The following DLC1 variants were observed in gnomAD, a reference collection of about 807,000 sequenced individuals.
DLC1 encodes the protein rho GTPase-activating protein 7.
A neutral mutation model predicts 140.3 loss-of-function variants in DLC1; 54 were observed. That is an observed-to-expected ratio of 0.38 (90% CI 0.31 to 0.48). The LOEUF is 0.48. Among genes scored for constraint, DLC1 ranks in the 20% least tolerant of loss-of-function variants. The probability of loss-of-function intolerance (pLI) is 0.96; values close to 1 mark genes in which losing one functional copy is unlikely to be tolerated. For missense variants in DLC1, 2,536 were observed against 1,907.0 expected, an observed-to-expected ratio of 1.33 and a Z score of -6.14; for synonymous variants, 986 against 728.1, an observed-to-expected ratio of 1.35 and a Z score of -5.70.
chr8:13,420,879 C>G (rs1438707812), intron 2 of DLC1, among the ~76,000 whole-genome samples: 1 of 152,074 alleles, frequency 6.6e-6, no homozygotes, highest in East Asian at 1.9e-4. Flanking sequence ...GTATGTATGA[C>G]TAGTTTCTAT....
chr8:13,165,027 A>G (rs767919928), intron 5 of DLC1, among the ~76,000 whole-genome samples: 3 of 152,196 alleles, frequency 2.0e-5, no homozygotes, highest in Non-Finnish European at 4.4e-5. Flanking sequence ...TGCAGAATGG[A>G]TATGGATGGC....
At chr8:13,212,215 A>C (rs1201688861) in intron 5 of DLC1, among the ~76,000 whole-genome samples, 1 of 152,222 alleles carries the variant, frequency 6.6e-6, no homozygotes, top group Non-Finnish European at 1.5e-5. Context: ...TTTTAAAAAT[A>C]TCAGGATGAC....
intron 5 of DLC1, among the ~76,000 whole-genome samples, chr8:13,118,731 T>C (rs1365910131): frequency 1.3e-5 from 2 of 152,194 alleles, no homozygotes; most frequent in African/African-American, 4.8e-5. Flanking sequence ...GAAATGAACC[T>C]ATATCTACAT....
At chr8:13,567,521 A>C (rs1243794780) in intron 1 of DLC1, 3 of 1,551,944 alleles carry the variant, frequency 1.9e-6, no homozygotes, top group Non-Finnish European at 1.7e-6. Context: ...AACAGAATCT[A>C]CTTTAAAAAC....
In DLC1 at chr8:13,083,970, C is replaced by G. The variant is rs374093104; in HGVS notation, c.*1841G>C. 6.6e-6 allele frequency: 1 copy of G among 152,550 alleles called. No homozygotes were observed. Among genetic ancestry groups the G allele is most frequent in the South Asian group, 2.1e-4 (1 of 4,826 alleles). 9.4% of individuals were successfully genotyped at this position (152,550 alleles called of 1,614,324 possible). ...GTGCACTTATTGATTATAATCTGTA[C>G]AGATATAGAGCAAGTTATAAACCTC... is the stretch of plus-strand genomic sequence containing the variant. On this transcript the variant is annotated 3_prime_UTR_variant, in exon 18 of 18. Coordinates refer to ENST00000276297, the MANE Select transcript of DLC1 (RefSeq NM_182643.3).
At chr8:13,189,117 T>A (rs1826592282) in intron 5 of DLC1, among the ~76,000 whole-genome samples, 1 of 151,996 alleles carries the variant, frequency 6.6e-6, no homozygotes, top group East Asian at 1.9e-4. Context: ...AAGACATAGT[T>A]TTTCATGATA....
intron 5 of DLC1, among the ~76,000 whole-genome samples, chr8:13,169,056 A>G (rs1242033077): frequency 2.0e-5 from 3 of 152,260 alleles, no homozygotes; most frequent in African/African-American, 7.2e-5. Context: ...TAAATAGTAC[A>G]TAGGCATCTA....
intron 4 of DLC1, among the ~76,000 whole-genome samples, chr8:13,367,554 A>G (rs1835544289): frequency 6.6e-6 from 1 of 152,232 alleles, no homozygotes; most frequent in Non-Finnish European, 1.5e-5. Flanking sequence ...ACAAAACAAA[A>G]TAAGACAAAG....
intron 5 of DLC1, among the ~76,000 whole-genome samples, chr8:13,220,249 G>C (rs1828475044): frequency 6.6e-6 from 1 of 152,188 alleles, no homozygotes; most frequent in Non-Finnish European, 1.5e-5. Flanking sequence ...GGGAAATTGT[G>C]AAGCCTTTTT....
At chr8:13,141,446 G>A (rs1054163284) in intron 5 of DLC1, among the ~76,000 whole-genome samples, 8 of 152,046 alleles carry the variant, frequency 5.3e-5, no homozygotes, top group African/African-American at 1.4e-4. Context: ...CAAGAGCTAC[G>A]TACAATGCTA....
intron 2 of DLC1, among the ~76,000 whole-genome samples, chr8:13,444,539 C>A (rs993219300): frequency 1.3e-5 from 2 of 152,108 alleles, no homozygotes; most frequent in African/African-American, 4.8e-5. Flanking sequence ...AGTTTAGGTG[C>A]ATTCTACACT....
At chr8:13,549,895 C>T (rs962536564) in intron 1 of DLC1, among the ~76,000 whole-genome samples, 3 of 152,092 alleles carry the variant, frequency 2.0e-5, no homozygotes, top group Admixed American at 6.6e-5. Flanking sequence ...AAAAGTGGCT[C>T]TCCGGCTTGT....
intron 5 of DLC1, among the ~76,000 whole-genome samples, chr8:13,303,175 C>A (rs901390147): frequency 7.9e-5 from 12 of 152,140 alleles, no homozygotes; most frequent in African/African-American, 2.9e-4. Flanking sequence ...AATAGAAATT[C>A]ATTCTGGAGT....
intron 5 of DLC1, among the ~76,000 whole-genome samples, chr8:13,223,999 T>C (rs1828674281): frequency 6.6e-6 from 1 of 152,174 alleles, no homozygotes; most frequent in Non-Finnish European, 1.5e-5. Flanking sequence ...TTTGCAACTA[T>C]TTTACCTTAA....
intron 2 of DLC1, among the ~76,000 whole-genome samples, chr8:13,421,038 T>C (rs1321875738): frequency 6.6e-6 from 1 of 152,192 alleles, no homozygotes; most frequent in Non-Finnish European, 1.5e-5. Context: ...TAACTGCCCA[T>C]ACTTCTGATT....
At chr8:13,297,588 G>T (rs986857078) in intron 5 of DLC1, among the ~76,000 whole-genome samples, 2 of 152,058 alleles carry the variant, frequency 1.3e-5, no homozygotes, top group African/African-American at 4.8e-5. Flanking sequence ...GTACTGCGCT[G>T]AATGAAACAA....
In DLC1 at chr8:13,084,522, G is replaced by C. The variant is rs1054549802; in HGVS notation, c.*1289C>G. ...TCTAAAGGTTCTAAAAAACTTCACTGGTTTGGGTTGGTTTTCTTCTTGTTG... is the reference window on the plus strand; with the variant it reads ...TCTAAAGGTTCTAAAAAACTTCACTCGTTTGGGTTGGTTTTCTTCTTGTTG... On this transcript the variant is annotated 3_prime_UTR_variant, in exon 18 of 18. Transcript: ENST00000276297. The C allele has an allele frequency of 6.6e-6, 1 of 151,320 alleles. No homozygotes were observed. The highest frequency in any genetic ancestry group is 2.1e-4 in the South Asian group (1 of 4,806). 9.4% of individuals were successfully genotyped at this position (151,320 alleles called of 1,614,324 possible).
At chr8:13,359,175 G>A (rs982588948) in intron 4 of DLC1, among the ~76,000 whole-genome samples, 1 of 152,104 alleles carries the variant, frequency 6.6e-6, no homozygotes. Flanking sequence ...TCCTGACCTC[G>A]TGATCCAGTG....
chr8:13,453,620 T>C lies in DLC1; in HGVS notation c.1023+45429A>G, dbSNP rs144540921. ...GACTAAGTTGAGCAGCCAATTCATT[T>C]GTCTGGCTTAAGGAAGCAATCTCTC... On this transcript the variant is annotated intron_variant, in intron 2 of 17. Coordinates refer to ENST00000276297, the MANE Select transcript of DLC1 (RefSeq NM_182643.3). Among the ~76,000 whole-genome samples, 502 of 142,160 alleles carry C rather than the reference T, an allele frequency of 3.5e-3. 8 individuals carry two copies. The highest frequency in any genetic ancestry group is 0.013 in the African/African-American group (488 of 38,040). 93.3% of individuals were successfully genotyped at this position (142,160 alleles called of 152,430 possible).
Sources: gnomAD v4.1 joint callset for allele counts (sites outside exome capture counted in the v4.1 genomes callset) on GRCh38, gnomAD v4.1.1 for gene constraint, MANE v1.5 for transcripts, NCBI Gene and HGNC (gene_info 2026-07-23, HGNC 2026-07-21) for gene names.